CNTN5: variants seen among roughly 807,000 people sequenced by gnomAD.
The protein encoded by CNTN5 is contactin 5.
A neutral mutation model predicts 129.1 loss-of-function variants in CNTN5; 77 were observed. The observed-to-expected ratio is 0.60, with a 90% confidence interval of 0.50 to 0.72. The LOEUF (loss-of-function observed/expected upper bound fraction) is 0.72. Ranked by LOEUF, CNTN5 falls within the 30% of genes least tolerant of loss-of-function variation. CNTN5 has a pLI of 0.00. For synonymous variants in CNTN5, 509 were observed against 465.6 expected (o/e 1.09, Z -1.20); for missense variants, 1,478 against 1,328.8 (o/e 1.11, Z -1.75).
chr11:99,955,987 G>C (rs535489677), intron 7 of CNTN5, among the ~76,000 whole-genome samples: 35 of 152,196 alleles, frequency 2.3e-4, no homozygotes, highest in South Asian at 1.4e-3. Flanking sequence ...TATTCCTTCA[G>C]ACTTGTTTTA....
chr11:99,384,315 A>C (rs1051812756), intron 2 of CNTN5, among the ~76,000 whole-genome samples: 2 of 152,228 alleles, frequency 1.3e-5, no homozygotes, highest in East Asian at 3.8e-4. Context: ...ACTTTTAAAC[A>C]ATTTGGGCAA....
At chr11:99,121,972 T>G (rs908433547) in intron 1 of CNTN5, among the ~76,000 whole-genome samples, 1 of 149,746 alleles carries the variant, frequency 6.7e-6, no homozygotes, top group Non-Finnish European at 1.5e-5. Context: ...TGGTGAACAA[T>G]TCTTTTACAT....
intron 9 of CNTN5, among the ~76,000 whole-genome samples, chr11:100,015,881 A>G (rs960458186): frequency 6.6e-6 from 1 of 152,070 alleles, no homozygotes; most frequent in Non-Finnish European, 1.5e-5. Context: ...TATAGTTTCT[A>G]ATCTAGAATT....
chr11:100,043,291 T>G (rs1426810777), intron 9 of CNTN5, among the ~76,000 whole-genome samples: 1 of 152,188 alleles, frequency 6.6e-6, no homozygotes, highest in East Asian at 1.9e-4. Context: ...CAGTAAAACC[T>G]TGGCACTGCC....
intron 3 of CNTN5, among the ~76,000 whole-genome samples, chr11:99,816,096 A>C (rs533333938): frequency 2.4e-4 from 36 of 152,202 alleles, no homozygotes; most frequent in Non-Finnish European, 4.9e-4. Flanking sequence ...CTATAGCTAG[A>C]GAACACTGAT....
At chr11:99,104,083 C>A (rs1285607702) in intron 1 of CNTN5, among the ~76,000 whole-genome samples, 2 of 152,066 alleles carry the variant, frequency 1.3e-5, no homozygotes, top group African/African-American at 2.4e-5. Context: ...TGCATAGAAA[C>A]AAACATTCAT....
intron 8 of CNTN5, among the ~76,000 whole-genome samples, chr11:99,967,709 T>C (rs1373298765): frequency 6.6e-6 from 1 of 152,130 alleles, no homozygotes; most frequent in African/African-American, 2.4e-5. Context: ...TTCCGAGCCG[T>C]AATTCCTCAA....
chr11:99,922,961 A>C (rs1949973792), intron 7 of CNTN5, among the ~76,000 whole-genome samples: 1 of 152,210 alleles, frequency 6.6e-6, no homozygotes, highest in African/African-American at 2.4e-5. Context: ...ACTTAATATC[A>C]CATTCATGTA....
At chr11:99,680,064 A>C (rs1953484110) in intron 3 of CNTN5, among the ~76,000 whole-genome samples, 2 of 152,186 alleles carry the variant, frequency 1.3e-5, no homozygotes, top group Non-Finnish European at 2.9e-5. Flanking sequence ...AGTACCTAGC[A>C]AAAGTTGATT....
chr11:99,270,276 T>C (rs1565452186), intron 1 of CNTN5, among the ~76,000 whole-genome samples: 1 of 151,930 alleles, frequency 6.6e-6, no homozygotes, highest in South Asian at 2.1e-4. Flanking sequence ...ATATTTAAAA[T>C]AGTTTTTCAT....
At chr11:99,542,380 A>T (rs2135499090) in intron 2 of CNTN5, among the ~76,000 whole-genome samples, 1 of 152,268 alleles carries the variant, frequency 6.6e-6, no homozygotes, top group East Asian at 1.9e-4. Context: ...CTATGATTTT[A>T]ACTTTTAAAA....
intron 2 of CNTN5, among the ~76,000 whole-genome samples, chr11:99,548,862 T>C (rs769517274): frequency 1.1e-4 from 16 of 152,164 alleles, no homozygotes; most frequent in Non-Finnish European, 1.6e-4. Context: ...TCTTTAAGAA[T>C]CTTAAAATTG....
chr11:100,258,546 A>G (rs1023091245), intron 17 of CNTN5, among the ~76,000 whole-genome samples: 1 of 152,204 alleles, frequency 6.6e-6, no homozygotes, highest in African/African-American at 2.4e-5. Flanking sequence ...GAGAAATGTC[A>G]GGTTACCCAC....
chr11:99,113,730 T>A (rs1254223693), intron 1 of CNTN5, among the ~76,000 whole-genome samples: 2 of 152,102 alleles, frequency 1.3e-5, no homozygotes, highest in Non-Finnish European at 2.9e-5. Context: ...GCTGAAACCA[T>A]GAGTGAGTCA....
chr11:99,040,732 G>T (rs950126943), intron 1 of CNTN5, among the ~76,000 whole-genome samples: 2 of 152,084 alleles, frequency 1.3e-5, no homozygotes, highest in Non-Finnish European at 2.9e-5. Flanking sequence ...TACTCTGAAT[G>T]ATTTATTCAA....
At chr11:100,025,231 AGGGT>A (rs921586296) in intron 9 of CNTN5, among the ~76,000 whole-genome samples, 1 of 152,228 alleles carries the variant, frequency 6.6e-6, no homozygotes, top group Non-Finnish European at 1.5e-5. Context: ...ATTGTTTCAG[AGGGT>A]GCAAACCCCA....
intron 10 of CNTN5, among the ~76,000 whole-genome samples, chr11:100,062,393 A>T (rs1194853272): frequency 6.6e-6 from 1 of 152,332 alleles, no homozygotes; most frequent in East Asian, 1.9e-4. Flanking sequence ...CATCTTTAAC[A>T]ACTCCTTTAG....
At chr11:99,657,252 T>G (rs1319900363) in intron 3 of CNTN5, among the ~76,000 whole-genome samples, 2 of 152,048 alleles carry the variant, frequency 1.3e-5, no homozygotes, top group Non-Finnish European at 2.9e-5. Flanking sequence ...TTTCCAGAAG[T>G]GTTTGAAAAA....
At chr11:99,741,325 A>G (rs889071639) in intron 3 of CNTN5, among the ~76,000 whole-genome samples, 4 of 152,134 alleles carry the variant, frequency 2.6e-5, no homozygotes, top group Admixed American at 2.6e-4. Flanking sequence ...TGTCCAATTC[A>G]GTTGCACCTT....
Sources: gnomAD v4.1 joint callset for allele counts (sites outside exome capture counted in the v4.1 genomes callset) on GRCh38, gnomAD v4.1.1 for gene constraint, MANE v1.5 for transcripts, NCBI Gene and HGNC (gene_info 2026-07-23, HGNC 2026-07-21) for gene names.